Variants in HERC2 observed in about 807,000 individuals in gnomAD.
HERC2 encodes HECT and RLD domain containing E3 ubiquitin protein ligase 2, also known as E3 ubiquitin-protein ligase HERC2.
HERC2 carries 102 observed loss-of-function variants against 537.7 expected under a neutral mutation model. The ratio of observed to expected loss-of-function variants is 0.19; its 90% CI spans 0.16 to 0.22. The LOEUF is 0.22. Ranked by LOEUF, HERC2 falls within the 10% of genes least tolerant of loss-of-function variation. HERC2 has a pLI of 1.00. For missense variants in HERC2, 4,236 were observed against 6,198.2 expected (o/e 0.68, Z 10.63); for synonymous variants, 2,224 against 2,466.2 (o/e 0.90, Z 2.91).
chr15:28,294,078 C>T (rs1428260040), intron 3 of HERC2, among the ~76,000 whole-genome samples: 1 of 152,182 alleles, frequency 6.6e-6, no homozygotes, highest in Non-Finnish European at 1.5e-5. Context: ...GGAAACAGTT[C>T]CTCTGTTTAC....
chr15:28,272,819 AAACACACACAATGC>A lies in HERC2; in HGVS notation c.911+61_911+74del, dbSNP rs1262484209. ...TGCTGCGGTCACAAACGATTCAGTG[AAACACACACAATGC>A]AACAGGTATTTCCATACACAGGCGC... On this transcript the variant is annotated intron_variant, in intron 8 of 92. Coordinates refer to ENST00000261609, the MANE Select transcript of HERC2 (RefSeq NM_004667.6). 5.4e-5 allele frequency: 52 copies of A among 968,482 alleles called. No homozygotes were observed. In the African/African-American group the frequency reaches 7.9e-4, roughly 15 times the overall value. 60.0% of individuals were successfully genotyped at this position (968,482 alleles called of 1,614,324 possible).
At chr15:28,117,938 G>A in intron 86 of HERC2, 1 of 240,694 alleles carries the variant, frequency 4.2e-6, no homozygotes, top group African/African-American at 2.3e-5. Context: ...ATGTCAAAAA[G>A]AAAAATTGAA....
Position 28,142,963 on chromosome 15 carries a change from A to G in HERC2, c.11419-11T>C, listed in dbSNP as rs372593621. 5.6e-6 allele frequency: 9 copies of G among 1,606,276 alleles called. No individual in the cohort carries two copies. Among genetic ancestry groups the G allele is most frequent in the Non-Finnish European group, 7.6e-6 (9 of 1,176,868 alleles). On this transcript the variant is annotated splice_polypyrimidine_tract_variant and intron_variant, in intron 74 of 92. Transcript: ENST00000261609. ...ACTACCTGTAAAACTCTAAGAAACAACAGAACAGTATTCTATCGCAGGAAT... is the reference window on the plus strand; with the variant it reads ...ACTACCTGTAAAACTCTAAGAAACAGCAGAACAGTATTCTATCGCAGGAAT...
rs148711194 is a variant in HERC2, at chr15:28,111,880, G to A, written c.14388C>T (p.Tyr4796=). ...GCTCTCCTGTAAGTGCGATGCGAGC[G>A]TAGTCATCTGTGTCTATGGACTTGC... ...HFCKSIDTDD[Y]ARIALTGEPA... The change falls in exon 93 of 93, where the codon TAC becomes TAT. Residue 4796 remains tyrosine, a synonymous_variant. Transcript: ENST00000261609. 104 of 1,614,232 alleles carry A rather than the reference G, an allele frequency of 6.4e-5. No homozygotes were observed. Among genetic ancestry groups the A allele is most frequent in the Middle Eastern group, 4.9e-4 (3 of 6,062 alleles).
chr15:28,227,426 C>T (rs1426841393), intron 35 of HERC2, among the ~76,000 whole-genome samples: 3 of 149,280 alleles, frequency 2.0e-5, no homozygotes, highest in African/African-American at 7.4e-5. Context: ...AATGAGACAC[C>T]ACTTCACACC....
rs890133074 is a variant in HERC2, at chr15:28,182,388, G to C, written c.8937+13C>G. 1 of 1,591,740 alleles carries C rather than the reference G, an allele frequency of 6.3e-7. No homozygotes were observed. The highest frequency in any genetic ancestry group is 8.6e-7 in the Non-Finnish European group (1 of 1,160,452). ...GTGCCCCACCCTGCTGGGTCCCAGG[G>C]AGCAGGCCGTACCTTGGAGCCTTTC... is the stretch of plus-strand genomic sequence containing the variant. On this transcript the variant is annotated intron_variant, in intron 57 of 92. Coordinates refer to ENST00000261609, the MANE Select transcript of HERC2 (RefSeq NM_004667.6).
rs368888287 is a variant in HERC2, at chr15:28,142,340, G to C, written c.11598C>G (p.Ala3866=). ...DLELDTLPCC[A]ETHKWAWFRR... ...GGAACCAGGCCCACTTGTGCGTCTC[G>C]GCACAGCAAGGCAGAGTGTCCAGCT... is the stretch of plus-strand genomic sequence containing the variant. Residue 3866 remains alanine (A), a synonymous_variant, in exon 76 of 93, where the codon GCC becomes GCG. Coordinates refer to ENST00000261609, the MANE Select transcript of HERC2 (RefSeq NM_004667.6). The C allele has an allele frequency of 6.2e-7, 1 of 1,614,012 alleles. No individual in the cohort carries two copies.
At chr15:28,193,126 G>A (rs146229042) in intron 52 of HERC2, among the ~76,000 whole-genome samples, 2 of 152,130 alleles carry the variant, frequency 1.3e-5, no homozygotes, top group South Asian at 2.1e-4. Context: ...ACAATGTCCA[G>A]TACATAATGA....
intron 4 of HERC2, among the ~76,000 whole-genome samples, chr15:28,291,068 C>A (rs1464317393): frequency 2.0e-5 from 3 of 152,134 alleles, no homozygotes; most frequent in African/African-American, 7.2e-5. Flanking sequence ...CTGATCCAAA[C>A]GGAAAGAGAG....
intron 69 of HERC2, among the ~76,000 whole-genome samples, chr15:28,161,263 T>A (rs561148940): frequency 1.8e-3 from 268 of 152,308 alleles, no homozygotes; most frequent in African/African-American, 5.0e-3. Context: ...ATTTTTTTTT[T>A]AAATATAATT....
At chr15:28,226,851 C>T (rs1363195730) in intron 35 of HERC2, among the ~76,000 whole-genome samples, 1 of 152,228 alleles carries the variant, frequency 6.6e-6, no homozygotes, top group Admixed American at 6.5e-5. Flanking sequence ...GTCTACAGAT[C>T]TGTGAAGGTC....
Position 28,270,539 on chromosome 15 carries a change from C to T in HERC2, c.1257+156G>A, listed in dbSNP as rs1329234895. Reference sequence around the variant, plus strand: ...GCTTGCTCATCACTCACTCTCAACACGGATAACACCTTCAACTGCAAACGC... The same window carrying T: ...GCTTGCTCATCACTCACTCTCAACATGGATAACACCTTCAACTGCAAACGC... On this transcript the variant is annotated intron_variant, in intron 10 of 92. Coordinates refer to ENST00000261609, the MANE Select transcript of HERC2 (RefSeq NM_004667.6). Among the ~76,000 whole-genome samples the T allele has an allele frequency of 3.3e-5, 5 of 152,234 alleles. No homozygotes were observed. The South Asian group carries it at 6.2e-4, about 19-fold the overall frequency.
At chr15:28,189,442 G>A (rs74401202) in intron 55 of HERC2, among the ~76,000 whole-genome samples, 1 of 152,182 alleles carries the variant, frequency 6.6e-6, no homozygotes, top group South Asian at 2.1e-4. Context: ...CGGTTACATT[G>A]CAATAAGTTA....
intron 4 of HERC2, among the ~76,000 whole-genome samples, chr15:28,280,535 C>G (rs2075994468): frequency 6.6e-6 from 1 of 152,106 alleles, no homozygotes; most frequent in Non-Finnish European, 1.5e-5. Flanking sequence ...TGTCCGAGGC[C>G]ACACAGAGGA....
chr15:28,181,490 G>A lies in HERC2; in HGVS notation c.8937+911C>T, dbSNP rs111529497. ...GAAAGGAAAGAGTTCAAATGAATGA[G>A]TTCTAACTTTATTTCTCAGTTTCTC... On this transcript the variant is annotated intron_variant, in intron 57 of 92. Coordinates refer to ENST00000261609, the MANE Select transcript of HERC2 (RefSeq NM_004667.6). Among the ~76,000 whole-genome samples the A allele has an allele frequency of 4.1e-3, 625 of 152,306 alleles. 4 individuals are homozygous for A. Among genetic ancestry groups the A allele is most frequent in the African/African-American group, 0.014 (595 of 41,566 alleles).
intron 69 of HERC2, among the ~76,000 whole-genome samples, chr15:28,155,848 C>T (rs1892956038): frequency 6.6e-6 from 1 of 152,092 alleles, no homozygotes; most frequent in Non-Finnish European, 1.5e-5. Context: ...ATACCTATGT[C>T]CTGAATGGTA....
chr15:28,182,506 A>G lies in HERC2; in HGVS notation c.8832T>C (p.Ile2944=). ...ATTCCAGCCCAGCAGCCTTCTTTCT[A>G]ATGAGGCTAACCAAACGGAAAAAAA... ...EDEKGNSGSL[I]RKKAAGLESA... is the part of the protein sequence containing the mutation. Residue 2944 remains isoleucine (I), a synonymous_variant, in exon 57 of 93, where the codon ATT becomes ATC. Coordinates refer to ENST00000261609, the MANE Select transcript of HERC2 (RefSeq NM_004667.6). 6.2e-7 allele frequency: 1 copy of G among 1,609,824 alleles called. No homozygotes were observed. Among genetic ancestry groups the G allele is most frequent in the Admixed American group, 1.7e-5 (1 of 59,988 alleles).
In HERC2 at chr15:28,204,387, C is replaced by T. The variant is rs147819421; in HGVS notation, c.7213-1773G>A. Among the ~76,000 whole-genome samples the T allele has an allele frequency of 3.6e-3, 549 of 152,134 alleles. 6 individuals carry two copies. Among genetic ancestry groups the T allele is most frequent in the African/African-American group, 0.012 (512 of 41,478 alleles). On this transcript the variant is annotated intron_variant, in intron 45 of 92. Coordinates refer to ENST00000261609, the MANE Select transcript of HERC2 (RefSeq NM_004667.6). ...CTGTAATCCCAGCACTTTGGGAGCC[C>T]GAGGAGGGCGGATCATGAGGTCAGG... is the stretch of plus-strand genomic sequence containing the variant.
intron 35 of HERC2, among the ~76,000 whole-genome samples, chr15:28,226,638 T>C (rs946618087): frequency 6.6e-6 from 1 of 152,196 alleles, no homozygotes; most frequent in Non-Finnish European, 1.5e-5. Context: ...GAGCTGAAAC[T>C]ATAAAACTTA....
Sources: gnomAD v4.1 joint callset for allele counts (sites outside exome capture counted in the v4.1 genomes callset) on GRCh38, gnomAD v4.1.1 for gene constraint, MANE v1.5 for transcripts, NCBI Gene and HGNC (gene_info 2026-07-23, HGNC 2026-07-21) for gene names.